Variants in TIMP2 observed in about 807,000 individuals in gnomAD.
TIMP2 encodes TIMP metallopeptidase inhibitor 2.
TIMP2 carries 5 observed loss-of-function variants against 24.3 expected under a neutral mutation model. The ratio of observed to expected loss-of-function variants is 0.21; its 90% CI spans 0.11 to 0.43. TIMP2 has a LOEUF of 0.43. TIMP2 is among the 20% of genes least tolerant of loss of function. The probability of loss-of-function intolerance (pLI) is 1.00; values close to 1 mark genes in which losing one functional copy is unlikely to be tolerated. For synonymous variants in TIMP2, 130 were observed against 123.2 expected, an observed-to-expected ratio of 1.06 and a Z score of -0.37; for missense variants, 221 against 297.5, an observed-to-expected ratio of 0.74 and a Z score of 1.89.
intron 1 of TIMP2, chr17:78,890,462 T>A: frequency 1.4e-6 from 1 of 705,672 alleles, no homozygotes; most frequent in Non-Finnish European, 2.2e-6. Flanking sequence ...GACCTCGGCC[T>A]CCCAAAGTGC....
At chr17:78,879,838 C>A (rs115890983) in intron 1 of TIMP2, among the ~76,000 whole-genome samples, 2 of 151,880 alleles carry the variant, frequency 1.3e-5, no homozygotes, top group African/African-American at 2.4e-5. Context: ...CCCACCCCCA[C>A]CCCTCCAGCC....
chr17:78,885,812 T>A (rs1295861904), intron 1 of TIMP2, among the ~76,000 whole-genome samples: 1 of 152,092 alleles, frequency 6.6e-6, no homozygotes, highest in Non-Finnish European at 1.5e-5. Flanking sequence ...GCAGTAGGGC[T>A]CTCACCAGCT....
chr17:78,892,023 C>G lies in TIMP2; in HGVS notation c.131-18104G>C, dbSNP rs368596724. ...TTCTCCTTGGCCCTCGGGGGCCTGG[C>G]TGATCTTCGCTGGATGGGCCCCTGC... On this transcript the variant is annotated intron_variant, in intron 1 of 4. Transcript: ENST00000262768. 14 of 1,550,596 alleles carry G rather than the reference C, an allele frequency of 9.0e-6. No homozygotes were observed. The South Asian group carries it at 9.5e-5, about 11-fold the overall frequency.
At chr17:78,882,207 C>T (rs543253497) in intron 1 of TIMP2, among the ~76,000 whole-genome samples, 3 of 152,140 alleles carry the variant, frequency 2.0e-5, no homozygotes, top group African/African-American at 2.4e-5. Flanking sequence ...CCTGACCTCA[C>T]GTGATCCACC....
chr17:78,870,671 C>CT (rs35497645), intron 3 of TIMP2, among the ~76,000 whole-genome samples: 1 of 151,768 alleles, frequency 6.6e-6, no homozygotes, highest in Non-Finnish European at 1.5e-5. Context: ...AAAATGCTCC[C>CT]TTTTTTTTGT....
rs1599142736 is a variant in TIMP2 at position 78,855,540 on chromosome 17, T to C, written c.*127A>G. On this transcript the variant is annotated 3_prime_UTR_variant, in exon 5 of 5. Transcript: ENST00000262768. The surrounding 1 kb of genome is among the most constrained non-coding windows in gnomAD (Gnocchi z 6.0). The stretch of plus-strand genomic sequence containing the variant: ...AAAGGAGAAGGGGGGAGCAGAATCA[T>C]ATTAATTTGGACCCATGGGATGAGT... The C allele has an allele frequency of 2.7e-6, 3 of 1,096,792 alleles. No individual in the cohort carries two copies. The highest frequency in any genetic ancestry group is 3.1e-5 in the African/African-American group (2 of 63,766). The allele number at this position is 1,096,792 out of a possible 1,614,324, so 67.9% of individuals were successfully genotyped here. A position where few individuals can be genotyped will look rare whatever the true frequency, so the allele number is the denominator to read the frequency against.
intron 3 of TIMP2, among the ~76,000 whole-genome samples, chr17:78,858,932 G>A (rs991088566): frequency 6.6e-6 from 1 of 152,100 alleles, no homozygotes; most frequent in African/African-American, 2.4e-5. Context: ...CTCCCACCTT[G>A]ACTTCCCAAA....
rs2070299669 is a variant in TIMP2, at chr17:78,920,327, G to T, written c.130+4632C>A. 6.6e-6 allele frequency among the ~76,000 whole-genome samples: 1 copy of T among 152,210 alleles called. No homozygotes were observed. Among genetic ancestry groups the T allele is most frequent in the Non-Finnish European group, 1.5e-5 (1 of 68,036 alleles). ...CCCACCTGCAGCTCACAAACGACAGGCCAGGACTGCGTACGTGGCTCTGCA... is the reference window on the plus strand; with the variant it reads ...CCCACCTGCAGCTCACAAACGACAGTCCAGGACTGCGTACGTGGCTCTGCA... On this transcript the variant is annotated intron_variant, in intron 1 of 4. Transcript: ENST00000262768. This position sits in a 1 kb window ranked among gnomAD's most constrained non-coding sequence, Gnocchi z 4.5.
chr17:78,854,228 G>A lies in TIMP2; in HGVS notation c.*1439C>T, dbSNP rs745801778. 6 of 151,966 alleles carry A rather than the reference G, an allele frequency of 3.9e-5. No homozygotes were observed. The highest frequency in any genetic ancestry group is 9.7e-5 in the African/African-American group (4 of 41,432). The allele number at this position is 151,966 out of a possible 1,614,324, so 9.4% of individuals were successfully genotyped here. A position where few individuals can be genotyped will look rare whatever the true frequency, so the allele number is the denominator to read the frequency against. On this transcript the variant is annotated 3_prime_UTR_variant, in exon 5 of 5. Transcript: ENST00000262768. ...TGTTTACATAATGTGCCTGTATATC[G>A]TCAGTTTATCTTTACAACACAGGTG... is the stretch of plus-strand genomic sequence containing the variant.
chr17:78,923,384 T>G (rs1165026663), intron 1 of TIMP2, among the ~76,000 whole-genome samples: 3 of 5,550 alleles, frequency 5.4e-4, no homozygotes, highest in Non-Finnish European at 1.0e-3. Context: ...GGAGTGTGTG[T>G]GTGGGGCGGG....
intron 1 of TIMP2, among the ~76,000 whole-genome samples, chr17:78,914,947 C>G (rs2070243797): frequency 6.8e-6 from 1 of 146,708 alleles, no homozygotes; most frequent in Non-Finnish European, 1.5e-5. Flanking sequence ...CCCAGGCTGG[C>G]ATGCAGTGGC....
At chr17:78,885,357 TACCTG>T in intron 1 of TIMP2, among the ~76,000 whole-genome samples, 1 of 152,168 alleles carries the variant, frequency 6.6e-6, no homozygotes, top group African/African-American at 2.4e-5. Context: ...CCGTGCGGGG[TACCTG>T]GAAGTGCCTT....
intron 3 of TIMP2, among the ~76,000 whole-genome samples, chr17:78,863,510 G>A (rs1259051487): frequency 6.6e-6 from 1 of 152,156 alleles, no homozygotes; most frequent in Non-Finnish European, 1.5e-5. Context: ...TCAAAGTGCT[G>A]GGATCACAGG....
In TIMP2 at chr17:78,870,744, G is replaced by T. The variant is rs145580902; in HGVS notation, c.340+154C>A. On this transcript the variant is annotated intron_variant, in intron 3 of 4. Coordinates refer to ENST00000262768, the MANE Select transcript of TIMP2 (RefSeq NM_003255.5). Reference sequence around the variant, plus strand: ...TGAACATTCACTAGCATTCTCTGACGGGAAGTGGCCGAGAGGGCTCCGTAC... The same window carrying T: ...TGAACATTCACTAGCATTCTCTGACTGGAAGTGGCCGAGAGGGCTCCGTAC... 2.6e-3 allele frequency among the ~76,000 whole-genome samples: 391 copies of T among 152,078 alleles called. 1 individual carries two copies. The highest frequency in any genetic ancestry group is 2.9e-3 in the Non-Finnish European group (196 of 67,980).
At chr17:78,901,621 C>T (rs1012463659) in intron 1 of TIMP2, among the ~76,000 whole-genome samples, 3 of 152,138 alleles carry the variant, frequency 2.0e-5, no homozygotes, top group African/African-American at 4.8e-5. Flanking sequence ...GAGTATGGTG[C>T]TTAAGAGTAC....
At chr17:78,856,211 G>T (rs1377429815) in intron 4 of TIMP2, 1 of 320,770 alleles carries the variant, frequency 3.1e-6, no homozygotes, top group East Asian at 6.2e-5. Context: ...CCTGGAGACA[G>T]ATTCCAGCCC....
chr17:78,880,419 G>C (rs1438237360), intron 1 of TIMP2, among the ~76,000 whole-genome samples: 2 of 152,152 alleles, frequency 1.3e-5, no homozygotes, highest in African/African-American at 4.8e-5. Flanking sequence ...CGGGTGCAGT[G>C]GCTCACACTT....
At chr17:78,893,498 C>T (rs958051795) in intron 1 of TIMP2, among the ~76,000 whole-genome samples, 13 of 133,534 alleles carry the variant, frequency 9.7e-5, no homozygotes, top group Non-Finnish European at 1.6e-4. Context: ...GGGGTGTGTG[C>T]GCGCAGGGGT....
chr17:78,880,256 C>A (rs1271267162), intron 1 of TIMP2, among the ~76,000 whole-genome samples: 1 of 152,208 alleles, frequency 6.6e-6, no homozygotes, highest in Non-Finnish European at 1.5e-5. Context: ...GTGGGTCCTG[C>A]GTCCTCACGT....
Sources: allele counts gnomAD v4.1 joint callset (sites outside exome capture counted in the v4.1 genomes callset), GRCh38; gene constraint gnomAD v4.1.1; non-coding constraint Gnocchi (gnomAD v3.1); transcripts MANE v1.5; gene names NCBI Gene and HGNC (gene_info 2026-07-23, HGNC 2026-07-21).